STK24: variants seen among roughly 807,000 people sequenced by gnomAD.
STK24 encodes serine/threonine-protein kinase 24.
A neutral mutation model predicts 55.6 loss-of-function variants in STK24; 21 were observed. That is an observed-to-expected ratio of 0.38 (90% CI 0.27 to 0.54). STK24 has a LOEUF of 0.54. Among genes scored for constraint, STK24 ranks in the 20% least tolerant of loss-of-function variants. The pLI is 0.79. For synonymous variants in STK24, 200 were observed against 215.2 expected, an observed-to-expected ratio of 0.93 and a Z score of 0.62; for missense variants, 383 against 538.4, an observed-to-expected ratio of 0.71 and a Z score of 2.86.
intron 1 of STK24, among the ~76,000 whole-genome samples, chr13:98,555,516 T>C (rs1897265211): frequency 6.6e-6 from 1 of 150,498 alleles, no homozygotes; most frequent in African/African-American, 2.4e-5. Context: ...GAGGCGGAGC[T>C]TGCAGTGAGC....
At chr13:98,455,606 C>T (rs1163411160) in intron 10 of STK24, 1 of 152,266 alleles carries the variant, frequency 6.6e-6, no homozygotes, top group Non-Finnish European at 1.5e-5. Flanking sequence ...TACAGATCAA[C>T]TTGCCTTAAC....
At chr13:98,465,245 G>A (rs557992715) in intron 6 of STK24, among the ~76,000 whole-genome samples, 2 of 152,330 alleles carry the variant, frequency 1.3e-5, no homozygotes, top group East Asian at 3.9e-4. Context: ...TCAAACTCAT[G>A]AGAAACGTGG....
At chr13:98,535,294 G>A (rs1174526685) in intron 1 of STK24, among the ~76,000 whole-genome samples, 5 of 141,344 alleles carry the variant, frequency 3.5e-5, no homozygotes, top group African/African-American at 7.9e-5. Flanking sequence ...CCAAGATCAC[G>A]CCATTGCACT....
chr13:98,496,119 T>A (rs1038007757), intron 2 of STK24, among the ~76,000 whole-genome samples: 7 of 152,150 alleles, frequency 4.6e-5, no homozygotes, highest in Non-Finnish European at 1.0e-4. Flanking sequence ...GTCTCCAGCT[T>A]CCCTGTGGGG....
At chr13:98,545,749 G>A (rs1255909302) in intron 1 of STK24, among the ~76,000 whole-genome samples, 1 of 151,990 alleles carries the variant, frequency 6.6e-6, no homozygotes, top group East Asian at 1.9e-4. Flanking sequence ...AATCAATATG[G>A]ATAATAATAA....
At chr13:98,562,357 A>G (rs563535328) in intron 1 of STK24, among the ~76,000 whole-genome samples, 46 of 152,312 alleles carry the variant, frequency 3.0e-4, no homozygotes, top group African/African-American at 1.1e-3. Flanking sequence ...CCATGTACGC[A>G]TAACGGGGCC....
chr13:98,498,184 C>T (rs1183523559), intron 2 of STK24, among the ~76,000 whole-genome samples: 2 of 152,198 alleles, frequency 1.3e-5, no homozygotes, highest in Non-Finnish European at 2.9e-5. Flanking sequence ...ACTGGATACT[C>T]GAAAGACTTA....
chr13:98,470,419 C>T (rs1894098989), intron 5 of STK24, among the ~76,000 whole-genome samples: 1 of 152,234 alleles, frequency 6.6e-6, no homozygotes, highest in Non-Finnish European at 1.5e-5. Flanking sequence ...GCGTGAGCCA[C>T]TGTGCCTGGC....
chr13:98,535,341 C>A (rs1307822300), intron 1 of STK24, among the ~76,000 whole-genome samples: 1 of 31,990 alleles, frequency 3.1e-5, no homozygotes, highest in Non-Finnish European at 7.1e-5. Context: ...CTGTCTCAAA[C>A]AAACAAACAA....
At chr13:98,457,045 C>T in intron 10 of STK24, 123 bp downstream of exon 10, 1 of 1,195,392 alleles carries the variant, frequency 8.4e-7, no homozygotes, top group Non-Finnish European at 1.1e-6. Flanking sequence ...ACTCTGTCTA[C>T]CCTGAGGCCT....
chr13:98,459,193 T>C (rs1893595408), intron 9 of STK24, among the ~76,000 whole-genome samples: 1 of 152,176 alleles, frequency 6.6e-6, no homozygotes, highest in Non-Finnish European at 1.5e-5. Context: ...CCAACTCCCA[T>C]GGGACAAAAT....
chr13:98,568,910 G>A (rs1202781336), intron 1 of STK24, among the ~76,000 whole-genome samples: 1 of 152,102 alleles, frequency 6.6e-6, no homozygotes, highest in African/African-American at 2.4e-5. Flanking sequence ...GGCCGATGCA[G>A]AAGGTTCACC....
chr13:98,484,290 T>G (rs1894722971), intron 2 of STK24, among the ~76,000 whole-genome samples: 1 of 152,204 alleles, frequency 6.6e-6, no homozygotes, highest in Non-Finnish European at 1.5e-5. Flanking sequence ...AAAGGAAATC[T>G]AAATCGCTTT....
chr13:98,481,427 C>T (rs1894573978), intron 3 of STK24, among the ~76,000 whole-genome samples: 1 of 152,202 alleles, frequency 6.6e-6, no homozygotes, highest in Admixed American at 6.5e-5. Context: ...CCAGCCCCAC[C>T]TCCACACCCT....
chr13:98,495,543 G>A (rs1186345382), intron 2 of STK24, among the ~76,000 whole-genome samples: 1 of 152,184 alleles, frequency 6.6e-6, no homozygotes, highest in Non-Finnish European at 1.5e-5. Flanking sequence ...TTTTGGAGAA[G>A]TAAAATATTT....
intron 3 of STK24, among the ~76,000 whole-genome samples, chr13:98,477,923 A>G (rs1894439569): frequency 6.6e-6 from 1 of 152,136 alleles, no homozygotes; most frequent in Middle Eastern, 3.2e-3. Context: ...TGGCTCTGTG[A>G]TGACTGTCTG....
At chr13:98,515,043 A>C (rs959328961) in intron 2 of STK24, among the ~76,000 whole-genome samples, 1 of 151,958 alleles carries the variant, frequency 6.6e-6, no homozygotes, top group Admixed American at 6.6e-5. Flanking sequence ...TATAACTAAA[A>C]GTGAATCTCA....
chr13:98,545,735 C>T (rs1175449530), intron 1 of STK24, among the ~76,000 whole-genome samples: 1 of 151,854 alleles, frequency 6.6e-6, no homozygotes, highest in Non-Finnish European at 1.5e-5. Flanking sequence ...AATCCATTAC[C>T]CTAAATCAAT....
At chr13:98,518,956 T>C (rs868363618) in intron 2 of STK24, among the ~76,000 whole-genome samples, 1 of 152,070 alleles carries the variant, frequency 6.6e-6, no homozygotes, top group Non-Finnish European at 1.5e-5. Context: ...GAATAACTGT[T>C]ATAATAACTT....
Sources: gnomAD v4.1 joint callset for allele counts (sites outside exome capture counted in the v4.1 genomes callset) on GRCh38, gnomAD v4.1.1 for gene constraint, MANE v1.5 for transcripts, NCBI Gene and HGNC (gene_info 2026-07-23, HGNC 2026-07-21) for gene names.